PDE7B: variants seen among roughly 807,000 people sequenced by gnomAD.
PDE7B encodes phosphodiesterase 7B, also known as 3',5'-cyclic-AMP phosphodiesterase 7B.
PDE7B carries 29 observed loss-of-function variants against 56.2 expected under a neutral mutation model. That is an observed-to-expected ratio of 0.52 (90% CI 0.38 to 0.70). PDE7B has a LOEUF of 0.70. Among genes scored for constraint, PDE7B ranks in the 30% least tolerant of loss-of-function variants. The pLI is 0.00. For synonymous variants in PDE7B, 197 were observed against 196.9 expected (o/e 1.00, Z 0.00); for missense variants, 490 against 565.0 (o/e 0.87, Z 1.35).
chr6:136,101,859 G>A (rs1042520832), intron 2 of PDE7B, among the ~76,000 whole-genome samples: 2 of 152,180 alleles, frequency 1.3e-5, no homozygotes, highest in Non-Finnish European at 2.9e-5. Flanking sequence ...TAATGTTGCT[G>A]TGAAGAAACA....
intron 9 of PDE7B, among the ~76,000 whole-genome samples, chr6:136,175,262 C>T (rs1255867972): frequency 1.3e-5 from 2 of 152,180 alleles, no homozygotes; most frequent in African/African-American, 4.8e-5. Flanking sequence ...AACTTTATTA[C>T]AAAAGCCATT....
At chr6:136,139,808 G>A (rs1778286405) in intron 3 of PDE7B, among the ~76,000 whole-genome samples, 1 of 152,168 alleles carries the variant, frequency 6.6e-6, no homozygotes, top group Non-Finnish European at 1.5e-5. Flanking sequence ...CCCACTTGTT[G>A]ATGGGGTTGT....
chr6:135,918,459 A>C (rs1049679323), intron 1 of PDE7B, among the ~76,000 whole-genome samples: 2 of 152,160 alleles, frequency 1.3e-5, no homozygotes. Context: ...TACTAGGCCT[A>C]AGACATTTTC....
chr6:135,893,315 G>T (rs192930395), intron 1 of PDE7B, among the ~76,000 whole-genome samples: 1 of 148,096 alleles, frequency 6.8e-6, no homozygotes, highest in East Asian at 2.0e-4. Context: ...GAGAACATGC[G>T]GTGTTTGTTT....
At chr6:135,994,777 G>A (rs547827979) in intron 2 of PDE7B, among the ~76,000 whole-genome samples, 5 of 152,226 alleles carry the variant, frequency 3.3e-5, no homozygotes, top group Middle Eastern at 3.4e-3. Flanking sequence ...CTACAAATAC[G>A]TATTAAACAA....
At chr6:136,183,882 G>A (rs934005012) in intron 11 of PDE7B, among the ~76,000 whole-genome samples, 15 of 152,100 alleles carry the variant, frequency 9.9e-5, no homozygotes, top group Middle Eastern at 3.4e-3. Flanking sequence ...GGACACAGGG[G>A]GAAAGGAAAA....
chr6:136,160,717 C>T (rs527273620), intron 8 of PDE7B, among the ~76,000 whole-genome samples: 3 of 152,242 alleles, frequency 2.0e-5, no homozygotes, highest in East Asian at 3.9e-4. Flanking sequence ...TTACCATCCC[C>T]GTTCTGATCT....
intron 1 of PDE7B, among the ~76,000 whole-genome samples, chr6:135,911,029 T>C (rs757243746): frequency 7.2e-5 from 11 of 152,226 alleles, no homozygotes; most frequent in Non-Finnish European, 1.3e-4. Context: ...CACAAGGCTC[T>C]ACCCTGTGTA....
At chr6:135,905,692 C>G (rs957519553) in intron 1 of PDE7B, among the ~76,000 whole-genome samples, 1 of 152,158 alleles carries the variant, frequency 6.6e-6, no homozygotes, top group African/African-American at 2.4e-5. Context: ...GAGCACAGCC[C>G]GTCTTGCCAT....
At chr6:136,163,216 G>A (rs1415240999) in intron 8 of PDE7B, among the ~76,000 whole-genome samples, 1 of 152,236 alleles carries the variant, frequency 6.6e-6, no homozygotes, top group African/African-American at 2.4e-5. Flanking sequence ...GGACATACAG[G>A]CATTTCTGTA....
At chr6:135,861,685 A>G (rs1162145079) in intron 1 of PDE7B, among the ~76,000 whole-genome samples, 2 of 151,652 alleles carry the variant, frequency 1.3e-5, no homozygotes, top group African/African-American at 4.8e-5. Flanking sequence ...CTTCCCTAAA[A>G]CAAAATACTG....
At chr6:136,144,135 A>C (rs532321019) in intron 3 of PDE7B, among the ~76,000 whole-genome samples, 2 of 152,196 alleles carry the variant, frequency 1.3e-5, no homozygotes, top group East Asian at 3.9e-4. Flanking sequence ...CTATCACTAC[A>C]TTTCTTTACT....
intron 1 of PDE7B, among the ~76,000 whole-genome samples, chr6:135,908,971 A>G (rs118188384): frequency 6.6e-6 from 1 of 152,218 alleles, no homozygotes; most frequent in African/African-American, 2.4e-5. Flanking sequence ...CAATTATTAT[A>G]AACTAATCTA....
intron 1 of PDE7B, among the ~76,000 whole-genome samples, chr6:135,944,022 G>A (rs1198226049): frequency 6.6e-6 from 1 of 152,148 alleles, no homozygotes; most frequent in Non-Finnish European, 1.5e-5. Flanking sequence ...AGGCAAGTTG[G>A]TCTCGATATT....
intron 11 of PDE7B, among the ~76,000 whole-genome samples, chr6:136,183,489 G>A (rs1277176550): frequency 4.0e-5 from 6 of 150,426 alleles, no homozygotes; most frequent in African/African-American, 1.5e-4. Flanking sequence ...CCAGTTACTT[G>A]GGAGGCTGAG....
At chr6:136,172,882 T>A (rs962456859) in intron 8 of PDE7B, among the ~76,000 whole-genome samples, 4 of 152,056 alleles carry the variant, frequency 2.6e-5, no homozygotes, top group African/African-American at 9.7e-5. Context: ...GAGCCAAATC[T>A]TGAGTGAACT....
At chr6:135,976,421 A>T (rs1424636157) in intron 2 of PDE7B, among the ~76,000 whole-genome samples, 2 of 152,098 alleles carry the variant, frequency 1.3e-5, no homozygotes, top group East Asian at 3.9e-4. Context: ...GAGCTGCTTG[A>T]TTCCACACCT....
intron 1 of PDE7B, among the ~76,000 whole-genome samples, chr6:135,865,661 A>T (rs987156427): frequency 1.4e-5 from 2 of 146,640 alleles, no homozygotes; most frequent in Middle Eastern, 3.5e-3. Context: ...ATGTGTGGAG[A>T]GAGAGAGAGA....
intron 2 of PDE7B, chr6:136,096,198 G>C (rs1777469161): frequency 6.6e-6 from 1 of 152,252 alleles, no homozygotes; most frequent in East Asian, 1.9e-4. Context: ...TGGTGTGGAA[G>C]TCTCCTAAGA....
Sources: gnomAD v4.1 joint callset for allele counts (sites outside exome capture counted in the v4.1 genomes callset) on GRCh38, gnomAD v4.1.1 for gene constraint, MANE v1.5 for transcripts, NCBI Gene and HGNC (gene_info 2026-07-23, HGNC 2026-07-21) for gene names.